The following PFAS variants were observed in gnomAD, a reference collection of about 807,000 sequenced individuals.
PFAS encodes the protein phosphoribosylformylglycinamidine synthase, also known as FGAM synthase.
In PFAS, 97 loss-of-function variants were observed where a neutral mutation model predicts 140.6. The ratio of observed to expected loss-of-function variants is 0.69; its 90% confidence interval spans 0.59 to 0.82. The LOEUF is 0.82. Among genes scored for constraint, PFAS ranks in the 40% least tolerant of loss-of-function variants. PFAS has a pLI of 0.00. For missense variants in PFAS, 1,656 were observed against 1,780.2 expected (o/e 0.93, Z 1.26); for synonymous variants, 679 against 718.8 (o/e 0.94, Z 0.88).
chr17:8,251,241 G>T (rs879686372), intron 1 of PFAS, among the ~76,000 whole-genome samples: 1 of 152,064 alleles, frequency 6.6e-6, no homozygotes, highest in Non-Finnish European at 1.5e-5. Flanking sequence ...AGCCGAGATC[G>T]TGCCACTGTA....
At chr17:8,248,151 T>C (rs571413487), upstream of PFAS, 38 of 780,406 alleles carry the variant, frequency 4.9e-5, no homozygotes, top group Non-Finnish European at 8.1e-5. Context: ...CACCTCCAGC[T>C]CCTTCTCGCT....
chr17:8,264,807 C>G, intron 17 of PFAS, 88 bp from the exon 18 acceptor site: 2 of 1,058,994 alleles, frequency 1.9e-6, no homozygotes, highest in Non-Finnish European at 2.7e-6. Flanking sequence ...GACAGGCCTC[C>G]CACTGCCCTG....
At position 8,269,270 on chromosome 17, in the gene PFAS, C is replaced by A; in HGVS notation, c.*6C>A. On this transcript the variant is annotated 3_prime_UTR_variant, in exon 28 of 28. Transcript: ENST00000314666. ...CCCTGGAAGGGAGCTGCTGACTGGCCACAGGGGCTCACCTGGGCCCCATGG... is the reference window on the plus strand; with the variant it reads ...CCCTGGAAGGGAGCTGCTGACTGGCAACAGGGGCTCACCTGGGCCCCATGG... 6.3e-7 allele frequency: 1 copy of A among 1,592,846 alleles called. No homozygotes were observed. The highest frequency in any genetic ancestry group is 1.7e-5 in the Admixed American group (1 of 58,916).
chr17:8,264,972 G>A lies in PFAS; in HGVS notation c.2127G>A (p.Ala709=), dbSNP rs201327753. 50 of 1,612,700 alleles carry A rather than the reference G, an allele frequency of 3.1e-5. No individual in the cohort carries two copies. Among genetic ancestry groups the A allele is most frequent in the East Asian group, 1.1e-4 (5 of 44,854 alleles). Residue 709 remains alanine (A), a synonymous_variant, in exon 18 of 28, where the codon GCG becomes GCA. Transcript: ENST00000314666. ...GPLQTPLADV[A]VVALSHEELI... ...TGCAAACTCCTCTGGCAGATGTAGC[G>A]GTTGTGGCACTGAGCCATGAGGAGC... is the stretch of plus-strand genomic sequence containing the variant.
chr17:8,264,296 G>A lies in PFAS; in HGVS notation c.1876G>A (p.Asp626Asn), dbSNP rs754052392. Residue 626 changes from aspartate (D) to asparagine (N), a missense_variant, in exon 16 of 28, where the codon GAC (aspartate) becomes AAC (asparagine). By Grantham distance (23) the Asp-to-Asn change is conservative (BLOSUM62 1). This residue lies in a region of PFAS where 883 missense variants were observed against 1,023.0 expected (regional missense o/e 0.86). Coordinates refer to ENST00000314666, the MANE Select transcript of PFAS (RefSeq NM_012393.3). ...APPTPLPTPV[D>N]LELEWVLGKM... ...CCCGACACCCCTGCCAACCCCTGTG[G>A]ACCTGGAGCTCGAATGGGTGCTGGG... The A allele has an allele frequency of 6.2e-7, 1 of 1,614,100 alleles. No individual in the cohort carries two copies. Among genetic ancestry groups the A allele is most frequent in the Non-Finnish European group, 8.5e-7 (1 of 1,179,992 alleles).
Position 8,254,046 on chromosome 17 carries a change from G to C in PFAS, c.109G>C (p.Glu37Gln). ...QGKLPELQGVETELCYNVNWT... is the reference protein window; with the variant it reads ...QGKLPELQGVQTELCYNVNWT... Reference sequence around the variant, plus strand: ...GAAACTGCCAGAGCTGCAGGGCGTCGAGACTGAACTGTGCTACAACGTGAA... The same window carrying C: ...GAAACTGCCAGAGCTGCAGGGCGTCCAGACTGAACTGTGCTACAACGTGAA... Residue 37 changes from glutamate to glutamine, a missense_variant, in exon 2 of 28, where the codon GAG (glutamate) becomes CAG (glutamine). Around this residue, in one of 2 missense-constraint regions of PFAS, gnomAD observed 773 missense variants for 757.3 expected, o/e 1.02. Transcript: ENST00000314666. The C allele has an allele frequency of 6.2e-7, 1 of 1,614,142 alleles. No homozygotes were observed. The highest frequency in any genetic ancestry group is 1.1e-5 in the South Asian group (1 of 91,084).
chr17:8,247,792 C>G, upstream of PFAS: 1 of 592,696 alleles, frequency 1.7e-6, no homozygotes, highest in Non-Finnish European at 3.1e-6. Flanking sequence ...GAACGGAGAC[C>G]AGTTTAAGGC....
upstream of PFAS, chr17:8,248,220 C>T: frequency 1.6e-6 from 1 of 609,090 alleles, no homozygotes; most frequent in South Asian, 1.9e-5. Flanking sequence ...ATCCCAACTC[C>T]CGACACCCCT....
intron 9 of PFAS, among the ~76,000 whole-genome samples, 158 bp from the exon 10 acceptor site, chr17:8,257,649 A>C (rs1989427346): frequency 6.6e-6 from 1 of 152,186 alleles, no homozygotes; most frequent in African/African-American, 2.4e-5. Context: ...GCCTCACTGC[A>C]GGCTCTAGGG....
Position 8,267,172 on chromosome 17 carries a change from C to A in PFAS, c.3112C>A (p.Arg1038=). The A allele has an allele frequency of 6.2e-7, 1 of 1,607,714 alleles. No individual in the cohort carries two copies. The highest frequency in any genetic ancestry group is 8.5e-7 in the Non-Finnish European group (1 of 1,177,660). ...AGAGGAGGAACGGGGCCTGAGGGAG[C>A]GGATGGGGCCCAGCTATTGCCTGCC... ...VAEEERGLRE[R]MGPSYCLPPT... is the part of the protein sequence containing the mutation. Residue 1038 remains arginine, a synonymous_variant, in exon 24 of 28, where the codon CGG becomes AGG. Transcript: ENST00000314666. The surrounding 1 kb of genome is among the most constrained non-coding windows in gnomAD (Gnocchi z 4.9).
chr17:8,269,376 G>T lies in PFAS; in HGVS notation c.*112G>T. ...ATTATTTCCAAAAATATCTTGGACAGACAAGGACCAAAATGCCAAAATCTC... is the reference window on the plus strand; with the variant it reads ...ATTATTTCCAAAAATATCTTGGACATACAAGGACCAAAATGCCAAAATCTC... On this transcript the variant is annotated 3_prime_UTR_variant, in exon 28 of 28. Coordinates refer to ENST00000314666, the MANE Select transcript of PFAS (RefSeq NM_012393.3). 2.6e-6 allele frequency: 2 copies of T among 756,006 alleles called. No individual in the cohort carries two copies. The highest frequency in any genetic ancestry group is 4.3e-6 in the Non-Finnish European group (2 of 467,374). The allele number at this position is 756,006 out of a possible 1,614,324, so 46.8% of individuals were successfully genotyped here. A position where few individuals can be genotyped will look rare whatever the true frequency, so the allele number is the denominator to read the frequency against.
intron 7 of PFAS, 56 bp downstream of exon 7, chr17:8,256,463 C>G: frequency 6.2e-7 from 1 of 1,613,756 alleles, no homozygotes; most frequent in Non-Finnish European, 8.5e-7. Context: ...GGCCCCAGGC[C>G]CTGGTTGGGT....
At chr17:8,253,830 C>T (rs1347764377) in intron 1 of PFAS, 29 bp from the exon 2 acceptor site, 37 of 1,452,856 alleles carry the variant, frequency 2.5e-5, no homozygotes, top group Middle Eastern at 3.7e-4. Context: ...TGAGCCACCA[C>T]GCCCGGCTTA....
Position 8,270,466 on chromosome 17 carries a change from T to C in PFAS, c.*1202T>C, listed in dbSNP as rs1989973579. 1 of 152,256 alleles carries C rather than the reference T, an allele frequency of 6.6e-6. No individual in the cohort carries two copies. Among genetic ancestry groups the C allele is most frequent in the South Asian group, 2.1e-4 (1 of 4,828 alleles). The allele number at this position is 152,256 out of a possible 1,614,324, so 9.4% of individuals were successfully genotyped here. A position where few individuals can be genotyped will look rare whatever the true frequency, so the allele number is the denominator to read the frequency against. On this transcript the variant is annotated 3_prime_UTR_variant, in exon 28 of 28. Transcript: ENST00000314666. ...TGATAGCCCCTCCCCGCCTTTTCAATAAAGGATGAATGAAGGTTGACTGCA... is the reference window on the plus strand; with the variant it reads ...TGATAGCCCCTCCCCGCCTTTTCAACAAAGGATGAATGAAGGTTGACTGCA...
intron 11 of PFAS, among the ~76,000 whole-genome samples, chr17:8,260,635 G>GT (rs552567957): frequency 6.6e-6 from 1 of 151,976 alleles, no homozygotes; most frequent in East Asian, 1.9e-4. Flanking sequence ...TTTTGGTTTG[G>GT]TTTTTTTGAG....
At chr17:8,252,757 A>G (rs1192611165) in intron 1 of PFAS, among the ~76,000 whole-genome samples, 1 of 151,972 alleles carries the variant, frequency 6.6e-6, no homozygotes, top group Non-Finnish European at 1.5e-5. Flanking sequence ...TGCTGGGACT[A>G]CAGGCACATG....
At chr17:8,253,665 T>G (rs1457965364) in intron 1 of PFAS, among the ~76,000 whole-genome samples, 194 bp from the exon 2 acceptor site, 1 of 152,004 alleles carries the variant, frequency 6.6e-6, no homozygotes, top group Non-Finnish European at 1.5e-5. Flanking sequence ...TCAGCCTCCC[T>G]AGTAACTGTG....
At position 8,269,292 on chromosome 17, in the gene PFAS, A is replaced by G. The variant is rs1239857265; in HGVS notation, c.*28A>G. The G allele has an allele frequency of 2.6e-6, 4 of 1,545,986 alleles. No homozygotes were observed. The South Asian group carries it at 3.6e-5, about 14-fold the overall frequency. ...GGCCACAGGGGCTCACCTGGGCCCC[A>G]TGGCTTTTCACCTAAGTGGGTCCTG... On this transcript the variant is annotated 3_prime_UTR_variant, in exon 28 of 28. Transcript: ENST00000314666.
chr17:8,259,572 AG>A (rs1322445777), intron 11 of PFAS, among the ~76,000 whole-genome samples: 1 of 152,068 alleles, frequency 6.6e-6, no homozygotes, highest in Admixed American at 6.6e-5. Flanking sequence ...ACTTGAGGCC[AG>A]GAGTTTGAGA....
Sources: gnomAD v4.1 joint callset for allele counts (sites outside exome capture counted in the v4.1 genomes callset) on GRCh38, gnomAD v4.1.1 for gene constraint, gnomAD v4.1.1 regional missense constraint, Gnocchi (gnomAD v3.1) non-coding constraint, MANE v1.5 for transcripts, NCBI Gene and HGNC (gene_info 2026-07-23, HGNC 2026-07-21) for gene names.